Variants in SGCZ observed in about 807,000 individuals in gnomAD.
The protein encoded by SGCZ is sarcoglycan zeta.
In SGCZ, 40 loss-of-function variants were observed where a neutral mutation model predicts 41.3. That is an observed-to-expected ratio of 0.97 (90% CI 0.75 to 1.26). The LOEUF is 1.26. Among genes scored for constraint, SGCZ ranks in the 50% most tolerant of loss-of-function variants. The pLI is 0.00. For synonymous variants in SGCZ, 206 were observed against 137.5 expected (o/e 1.50, Z -3.49); for missense variants, 552 against 369.8 (o/e 1.49, Z -4.04).
At chr8:14,128,836 A>G (rs911193350) in intron 5 of SGCZ, among the ~76,000 whole-genome samples, 2 of 152,222 alleles carry the variant, frequency 1.3e-5, no homozygotes, top group African/African-American at 2.4e-5. Context: ...GTAATGATTC[A>G]GAAACAAAGT....
chr8:14,382,561 C>G (rs1364096063), intron 2 of SGCZ, among the ~76,000 whole-genome samples: 1 of 152,020 alleles, frequency 6.6e-6, no homozygotes, highest in East Asian at 1.9e-4. Flanking sequence ...CACATAGGAC[C>G]CTTAAAGTGA....
chr8:15,229,639 C>G (rs928189425), intron 1 of SGCZ, among the ~76,000 whole-genome samples: 1 of 152,088 alleles, frequency 6.6e-6, no homozygotes, highest in Admixed American at 6.6e-5. Context: ...TTGAGGTAAG[C>G]GATTTATTTC....
At chr8:14,722,988 G>C (rs2136728) in intron 1 of SGCZ, among the ~76,000 whole-genome samples, 22,730 of 152,120 alleles carry the variant, frequency 0.15, 4,089 homozygotes, top group African/African-American at 0.43. Flanking sequence ...TCAAATTCAA[G>C]TCACGCAGAT....
chr8:14,844,949 G>A (rs1193904444), intron 1 of SGCZ, among the ~76,000 whole-genome samples: 1 of 152,170 alleles, frequency 6.6e-6, no homozygotes, highest in African/African-American at 2.4e-5. Flanking sequence ...GCAGAGCCCA[G>A]GAGGTTCTCT....
chr8:15,017,606 A>C (rs1803086765), intron 1 of SGCZ, among the ~76,000 whole-genome samples: 1 of 151,958 alleles, frequency 6.6e-6, no homozygotes, highest in Admixed American at 6.6e-5. Context: ...GGCTCAAGTG[A>C]TCGTTCCTCC....
At chr8:14,938,841 C>T (rs1800171105) in intron 1 of SGCZ, among the ~76,000 whole-genome samples, 1 of 151,866 alleles carries the variant, frequency 6.6e-6, no homozygotes, top group African/African-American at 2.4e-5. Flanking sequence ...TTTACAAGTT[C>T]ATTACAGATG....
At chr8:14,577,106 A>G (rs982264664) in intron 1 of SGCZ, among the ~76,000 whole-genome samples, 1 of 152,224 alleles carries the variant, frequency 6.6e-6, no homozygotes, top group Non-Finnish European at 1.5e-5. Context: ...CTAACATATC[A>G]CTAAACACCT....
At chr8:14,844,927 G>C (rs1046366669) in intron 1 of SGCZ, among the ~76,000 whole-genome samples, 13 of 152,266 alleles carry the variant, frequency 8.5e-5, no homozygotes, top group Admixed American at 2.0e-4. Context: ...GATGCAGGGA[G>C]GGAATACCCA....
At chr8:15,169,305 C>T (rs1799760213) in intron 1 of SGCZ, among the ~76,000 whole-genome samples, 1 of 152,164 alleles carries the variant, frequency 6.6e-6, no homozygotes, top group Non-Finnish European at 1.5e-5. Flanking sequence ...GAAACTCCAA[C>T]AGCCTGCCCA....
intron 2 of SGCZ, among the ~76,000 whole-genome samples, chr8:14,528,390 G>C (rs573794457): frequency 6.6e-6 from 1 of 152,038 alleles, no homozygotes; most frequent in Non-Finnish European, 1.5e-5. Context: ...ATATGTATGC[G>C]TGTTCACATC....
intron 2 of SGCZ, among the ~76,000 whole-genome samples, chr8:14,338,593 G>A (rs889839853): frequency 6.6e-6 from 1 of 151,986 alleles, no homozygotes. Flanking sequence ...TGTTTATTGA[G>A]GAATATTTTG....
chr8:15,104,669 C>T (rs1806749798), intron 1 of SGCZ, among the ~76,000 whole-genome samples: 1 of 139,370 alleles, frequency 7.2e-6, no homozygotes, highest in Admixed American at 7.7e-5. Context: ...TGTGTAACCA[C>T]GTGTAAAACT....
chr8:14,901,183 T>G (rs1235084933), intron 1 of SGCZ, among the ~76,000 whole-genome samples: 1 of 152,190 alleles, frequency 6.6e-6, no homozygotes, highest in Non-Finnish European at 1.5e-5. Flanking sequence ...CAACTTTTAG[T>G]TGGGAGACTC....
At chr8:14,397,791 T>C (rs1222738451) in intron 2 of SGCZ, among the ~76,000 whole-genome samples, 1 of 152,082 alleles carries the variant, frequency 6.6e-6, no homozygotes, top group Admixed American at 6.6e-5. Flanking sequence ...AGCATCTTCA[T>C]CCCCTTTTAG....
At chr8:14,321,133 C>G (rs1361483249) in intron 3 of SGCZ, among the ~76,000 whole-genome samples, 1 of 152,048 alleles carries the variant, frequency 6.6e-6, no homozygotes, top group Non-Finnish European at 1.5e-5. Flanking sequence ...GATTACACAT[C>G]TTTTGTATTG....
intron 1 of SGCZ, among the ~76,000 whole-genome samples, chr8:15,001,796 C>T (rs923847274): frequency 4.0e-5 from 6 of 149,504 alleles, no homozygotes; most frequent in African/African-American, 1.5e-4. Flanking sequence ...ATTTATTAAG[C>T]ACTTTCATGA....
chr8:14,550,756 G>C (rs1035326027), intron 2 of SGCZ, among the ~76,000 whole-genome samples: 1 of 151,916 alleles, frequency 6.6e-6, no homozygotes, highest in Admixed American at 6.6e-5. Flanking sequence ...CCCTTTAGAA[G>C]GACATACATC....
chr8:14,553,388 C>T (rs1265470502), intron 2 of SGCZ, among the ~76,000 whole-genome samples: 1 of 152,038 alleles, frequency 6.6e-6, no homozygotes, highest in African/African-American at 2.4e-5. Context: ...TGACCTGGGA[C>T]GCATATCCAT....
intron 3 of SGCZ, among the ~76,000 whole-genome samples, chr8:14,301,109 C>T (rs999134083): frequency 6.6e-6 from 1 of 150,574 alleles, no homozygotes; most frequent in Non-Finnish European, 1.5e-5. Flanking sequence ...TTATCCCTAT[C>T]CTCTCATCCT....
Sources: gnomAD v4.1 joint callset for allele counts (sites outside exome capture counted in the v4.1 genomes callset) on GRCh38, gnomAD v4.1.1 for gene constraint, MANE v1.5 for transcripts, NCBI Gene and HGNC (gene_info 2026-07-23, HGNC 2026-07-21) for gene names.